Variants in CCNJL observed in about 807,000 individuals in gnomAD.
CCNJL encodes the protein cyclin-J-like protein.
Under a neutral mutation model 33.4 loss-of-function variants are expected in CCNJL, and 33 were observed. That is an observed-to-expected ratio of 0.99 (90% CI 0.75 to 1.32). CCNJL has a LOEUF of 1.32. Among genes scored for constraint, CCNJL ranks in the 40% most tolerant of loss-of-function variants. The pLI, the probability that CCNJL is intolerant of heterozygous loss-of-function variation, is 0.00. For missense variants in CCNJL, 512 were observed against 499.7 expected, an observed-to-expected ratio of 1.02 and a Z score of -0.23; for synonymous variants, 227 against 220.9, an observed-to-expected ratio of 1.03 and a Z score of -0.24.
intron 2 of CCNJL, among the ~76,000 whole-genome samples, chr5:160,299,935 C>T (rs1561801808): frequency 6.6e-6 from 1 of 151,802 alleles, no homozygotes; most frequent in Non-Finnish European, 1.5e-5. Context: ...CATGCATGGA[C>T]GGACCGCAGT....
In CCNJL at chr5:160,253,600, C is replaced by T. The variant is rs764300195; in HGVS notation, c.942G>A (p.Gln314=). ...AGAGCAGGCTCCCTGAACGGTGGGC[C>T]TGCAAGGAGTCCCGATAGGCCAAGC... ...DLCLAYRDSL[Q]AHRSGSLLSG... is the part of the protein sequence containing the mutation. The change falls in exon 6 of 6, where the codon CAG becomes CAA. Residue 314 remains glutamine (Q), a synonymous_variant. Transcript: ENST00000257536. The T allele has an allele frequency of 1.4e-5, 23 of 1,613,704 alleles. No individual in the cohort carries two copies. In the Admixed American group the frequency reaches 3.0e-4, roughly 21 times the overall value.
intron 1 of CCNJL, among the ~76,000 whole-genome samples, chr5:160,330,933 G>A (rs1042582916): frequency 3.3e-5 from 5 of 152,134 alleles, no homozygotes; most frequent in African/African-American, 9.6e-5. Flanking sequence ...GATTATAGGC[G>A]TGAGCCACTG....
At chr5:160,284,256 G>A (rs927940174) in intron 2 of CCNJL, among the ~76,000 whole-genome samples, 14 of 152,050 alleles carry the variant, frequency 9.2e-5, no homozygotes, top group Non-Finnish European at 1.6e-4. Flanking sequence ...GGAGGCTGAG[G>A]TGCAAGGATC....
chr5:160,282,968 T>TATATATATATAC (rs1762265059), intron 2 of CCNJL, among the ~76,000 whole-genome samples: 1 of 25,864 alleles, frequency 3.9e-5, no homozygotes, highest in Non-Finnish European at 7.4e-5. Flanking sequence ...GTCCTTGGAA[T>TATATATATATAC]ATATATATAT....
At chr5:160,260,615 G>A (rs1013825416) in intron 3 of CCNJL, among the ~76,000 whole-genome samples, 7 of 152,106 alleles carry the variant, frequency 4.6e-5, no homozygotes, top group Admixed American at 2.0e-4. Context: ...AAGACTCAGG[G>A]GCTGGTGGGG....
At chr5:160,258,480 G>A (rs1761169531) in intron 4 of CCNJL, 2 of 1,244,760 alleles carry the variant, frequency 1.6e-6, no homozygotes, top group East Asian at 2.3e-5. Flanking sequence ...ATCAGATCTT[G>A]CCTAAAGAGC....
chr5:160,314,335 T>C (rs2113466648), upstream of CCNJL, among the ~76,000 whole-genome samples: 1 of 152,360 alleles, frequency 6.6e-6, no homozygotes. Context: ...ATTTAAAAAT[T>C]CACTGTATGA....
intron 2 of CCNJL, among the ~76,000 whole-genome samples, chr5:160,304,339 C>T (rs1763024156): frequency 6.6e-6 from 1 of 152,224 alleles, no homozygotes; most frequent in Admixed American, 6.5e-5. Context: ...TGTCCCCCAA[C>T]CTCATTTGCG....
chr5:160,270,519 G>T (rs1336701128), intron 3 of CCNJL, among the ~76,000 whole-genome samples: 1 of 151,766 alleles, frequency 6.6e-6, no homozygotes, highest in Admixed American at 6.6e-5. Context: ...CTGAGGTGCA[G>T]GGAGCCGTGA....
At chr5:160,333,710 G>A (rs922321212) in intron 1 of CCNJL, among the ~76,000 whole-genome samples, 10 of 151,896 alleles carry the variant, frequency 6.6e-5, no homozygotes, top group Admixed American at 2.6e-4. Context: ...AGGACCAAGC[G>A]GAAGGTGGTG....
At chr5:160,280,430 A>G (rs1762166431) in intron 3 of CCNJL, 95 bp downstream of exon 3, 2 of 999,392 alleles carry the variant, frequency 2.0e-6, no homozygotes, top group Non-Finnish European at 3.1e-6. Flanking sequence ...AGACGTGCAA[A>G]GATCGTCAAA....
chr5:160,270,082 TG>T (rs1761770181), intron 3 of CCNJL, among the ~76,000 whole-genome samples: 1 of 151,684 alleles, frequency 6.6e-6, no homozygotes, highest in African/African-American at 2.4e-5. Context: ...AGGCCGAGGC[TG>T]GTGGACTGCT....
intron 2 of CCNJL, among the ~76,000 whole-genome samples, chr5:160,290,637 T>A (rs865906008): frequency 3.9e-5 from 6 of 152,220 alleles, no homozygotes; most frequent in Middle Eastern, 6.8e-3. Context: ...CACCTAGGAC[T>A]TTTTATCTAC....
chr5:160,333,280 G>A (rs944316361), intron 1 of CCNJL, among the ~76,000 whole-genome samples: 4 of 151,846 alleles, frequency 2.6e-5, no homozygotes, highest in Non-Finnish European at 2.9e-5. Context: ...CCGCCACCAC[G>A]CCCGGCTAAT....
At chr5:160,309,678 C>T (rs1763203301) in intron 2 of CCNJL, among the ~76,000 whole-genome samples, 1 of 152,138 alleles carries the variant, frequency 6.6e-6, no homozygotes, top group Non-Finnish European at 1.5e-5. Flanking sequence ...CTCCATGAAG[C>T]CAAATTTTTG....
intron 2 of CCNJL, among the ~76,000 whole-genome samples, chr5:160,299,485 C>T (rs1480045409): frequency 6.6e-6 from 1 of 151,910 alleles, no homozygotes; most frequent in Non-Finnish European, 1.5e-5. Flanking sequence ...AATGCATGGA[C>T]TTTATCTGGA....
At chr5:160,332,525 AACCTGTCTG>A (rs1355485678) in intron 1 of CCNJL, among the ~76,000 whole-genome samples, 2 of 152,098 alleles carry the variant, frequency 1.3e-5, no homozygotes, top group Non-Finnish European at 2.9e-5. Flanking sequence ...CACCTTTGTT[AACCTGTCTG>A]ACCTCATCTT....
intron 1 of CCNJL, 99 bp downstream of exon 1, chr5:160,312,265 T>A: frequency 2.8e-6 from 1 of 355,476 alleles, no homozygotes; most frequent in Non-Finnish European, 5.2e-6. Context: ...AGGCTGGGGC[T>A]CTGGCGGCGG....
chr5:160,265,861 A>G (rs1441804239), intron 3 of CCNJL, among the ~76,000 whole-genome samples: 5 of 131,352 alleles, frequency 3.8e-5, no homozygotes, highest in South Asian at 3.2e-4. Flanking sequence ...TCCAGGGGAA[A>G]AAAAAAAAAA....
Sources: gnomAD v4.1 joint callset for allele counts (sites outside exome capture counted in the v4.1 genomes callset) on GRCh38, gnomAD v4.1.1 for gene constraint, MANE v1.5 for transcripts, NCBI Gene and HGNC (gene_info 2026-07-23, HGNC 2026-07-21) for gene names.